Variants in CAPS2 observed in about 807,000 individuals in gnomAD.
CAPS2 encodes calcyphosine 2.
A neutral mutation model predicts 86.5 loss-of-function variants in CAPS2; 98 were observed. The ratio of observed to expected loss-of-function variants is 1.13; its 90% confidence interval spans 0.96 to 1.34. The LOEUF (loss-of-function observed/expected upper bound fraction) is 1.34. Among genes scored for constraint, CAPS2 ranks in the 40% most tolerant of loss-of-function variants. The pLI, the probability that CAPS2 is intolerant of heterozygous loss-of-function variation, is 0.00. For synonymous variants in CAPS2, 210 were observed against 225.1 expected (o/e 0.93, Z 0.60); for missense variants, 729 against 686.8 (o/e 1.06, Z -0.69).
intron 1 of CAPS2, among the ~76,000 whole-genome samples, chr12:75,336,276 G>A (rs2041732790): frequency 6.6e-6 from 1 of 151,666 alleles, no homozygotes; most frequent in African/African-American, 2.4e-5. Flanking sequence ...TGGAAAACAG[G>A]AACAAGGAAC....
At chr12:75,384,358 T>C (rs1406422465) in intron 1 of CAPS2, among the ~76,000 whole-genome samples, 1 of 152,106 alleles carries the variant, frequency 6.6e-6, no homozygotes, top group African/African-American at 2.4e-5. Context: ...AAAGGATAAC[T>C]GAGCAACACT....
chr12:75,369,991 G>A (rs2044253004), intron 1 of CAPS2: 1 of 1,091,692 alleles, frequency 9.2e-7, no homozygotes, highest in East Asian at 2.6e-5. Context: ...CTAACCGTAT[G>A]TATCAAAATA....
exon 1 of CAPS2, chr12:75,390,894 G>A (rs1219334401): frequency 2.8e-6 from 2 of 702,270 alleles, no homozygotes; most frequent in East Asian, 2.8e-5. Flanking sequence ...TCTTCACTCT[G>A]CAGGTCTAGC....
At chr12:75,379,537 T>C (rs917319032) in intron 1 of CAPS2, among the ~76,000 whole-genome samples, 1 of 152,190 alleles carries the variant, frequency 6.6e-6, no homozygotes, top group Non-Finnish European at 1.5e-5. Context: ...GTAACCCTCC[T>C]ATTTCACTTA....
chr12:75,305,350 A>C (rs2038324723), intron 7 of CAPS2: 1 of 323,306 alleles, frequency 3.1e-6, no homozygotes, highest in Non-Finnish European at 5.8e-6. Context: ...GATTCTTAAA[A>C]GGTGAGAGTA....
intron 1 of CAPS2, among the ~76,000 whole-genome samples, chr12:75,352,473 C>G (rs909011150): frequency 6.6e-6 from 1 of 152,172 alleles, no homozygotes; most frequent in African/African-American, 2.4e-5. Flanking sequence ...TATATATGCA[C>G]CCAATACAGG....
upstream of CAPS2, among the ~76,000 whole-genome samples, chr12:75,332,622 C>T (rs1199999469): frequency 6.6e-6 from 1 of 151,990 alleles, no homozygotes; most frequent in Non-Finnish European, 1.5e-5. Context: ...AGTTTCTGCT[C>T]TCAAGAAGCT....
At chr12:75,339,600 A>C (rs4491265) in intron 1 of CAPS2, among the ~76,000 whole-genome samples, 61,885 of 151,736 alleles carry the variant, frequency 0.41, 12,886 homozygotes, top group South Asian at 0.55. Flanking sequence ...ATTAGATACC[A>C]TTTGTCCATT....
At chr12:75,350,446 C>A (rs561606068) in intron 1 of CAPS2, among the ~76,000 whole-genome samples, 4 of 152,150 alleles carry the variant, frequency 2.6e-5, no homozygotes, top group Admixed American at 6.5e-5. Context: ...AGCATTCTGG[C>A]GGGCATCAGG....
At chr12:75,305,922 T>C (rs1429832902) in intron 7 of CAPS2, 7 of 963,100 alleles carry the variant, frequency 7.3e-6, no homozygotes, top group Non-Finnish European at 1.2e-5. Context: ...CCATGAAGTC[T>C]GCGCTGGTGA....
intron 7 of CAPS2, among the ~76,000 whole-genome samples, chr12:75,307,521 T>C (rs2038649720): frequency 1.3e-5 from 2 of 152,184 alleles, no homozygotes; most frequent in South Asian, 2.1e-4. Flanking sequence ...TACAATAATA[T>C]ATAGTACATT....
At chr12:75,316,342 A>G (rs369837026) in exon 6 of CAPS2, 184 of 1,550,980 alleles carry the variant, frequency 1.2e-4, no homozygotes, top group Non-Finnish European at 1.5e-4. Context: ...TCTGTTGTTT[A>G]TCGCAAGAGT....
chr12:75,344,143 T>C (rs988878209), intron 1 of CAPS2, among the ~76,000 whole-genome samples: 1 of 152,130 alleles, frequency 6.6e-6, no homozygotes, highest in African/African-American at 2.4e-5. Flanking sequence ...TTTTTGAAGT[T>C]GTAAGTCTAT....
intron 1 of CAPS2, among the ~76,000 whole-genome samples, chr12:75,378,699 G>T (rs2044791253): frequency 6.6e-6 from 1 of 152,112 alleles, no homozygotes; most frequent in African/African-American, 2.4e-5. Context: ...ACATCAAAAA[G>T]GATAATCTGA....
exon 12 of CAPS2, chr12:75,293,274 C>T (rs375186529): frequency 8.1e-6 from 13 of 1,602,520 alleles, no homozygotes; most frequent in African/African-American, 2.7e-5. Context: ...GCTATTTGAT[C>T]AATATTTGTG....
At chr12:75,359,567 A>G (rs1011054322) in intron 1 of CAPS2, among the ~76,000 whole-genome samples, 6 of 151,586 alleles carry the variant, frequency 4.0e-5, no homozygotes, top group Admixed American at 1.3e-4. Flanking sequence ...TGCTAATAAT[A>G]TGGTTTTCAA....
chr12:75,310,129 C>G (rs774660129), intron 7 of CAPS2, among the ~76,000 whole-genome samples: 14 of 152,120 alleles, frequency 9.2e-5, no homozygotes, highest in Non-Finnish European at 1.8e-4. Context: ...TTCCAAAGTG[C>G]TCTGCCCTCA....
chr12:75,285,857 T>A (rs896443481), intron 14 of CAPS2, among the ~76,000 whole-genome samples: 1 of 152,000 alleles, frequency 6.6e-6, no homozygotes, highest in Non-Finnish European at 1.5e-5. Context: ...TTTCTGCTAG[T>A]CTTCATGCTT....
chr12:75,290,984 T>C (rs2035757188), intron 13 of CAPS2, among the ~76,000 whole-genome samples: 2 of 151,790 alleles, frequency 1.3e-5, no homozygotes, highest in African/African-American at 4.8e-5. Flanking sequence ...GCTTATTCAA[T>C]ATCTTTCTCC....
Sources: allele counts gnomAD v4.1 joint callset (sites outside exome capture counted in the v4.1 genomes callset), GRCh38; gene constraint gnomAD v4.1.1; transcripts MANE v1.5; gene names NCBI Gene and HGNC (gene_info 2026-07-23, HGNC 2026-07-21).